The following LINGO3 variants were observed in gnomAD, a reference collection of about 807,000 sequenced individuals.
The protein encoded by LINGO3 is leucine rich repeat and Ig domain containing 3, also known as leucine-rich repeat and immunoglobulin-like domain-containing nogo receptor-interacting protein 3.
For missense variants in LINGO3, 750 were observed against 867.7 expected (o/e 0.86, Z 1.70); for synonymous variants, 427 against 444.2 (o/e 0.96, Z 0.49).
At chr19:2,305,312 T>C in the LINGO3 span, among the ~76,000 whole-genome samples, 12 of 151,772 alleles carry the variant, frequency 7.9e-5, no homozygotes. Context: ...ACCTGGGCAA[T>C]GGAGGCCTCT....
Position 2,290,403 on chromosome 19 carries a change from G to A in LINGO3, c.1374C>T (p.Arg458=), listed in dbSNP as rs1035634788. 6 of 1,439,916 alleles carry A rather than the reference G, an allele frequency of 4.2e-6. No homozygotes were observed. The South Asian group carries it at 7.1e-5, about 17-fold the overall frequency. 89.2% of individuals were successfully genotyped at this position (1,439,916 alleles called of 1,614,324 possible). A position where few individuals can be genotyped will look rare whatever the true frequency, so the allele number is the denominator to read the frequency against. Residue 458 remains arginine (R), a synonymous_variant, in exon 1 of 1, where the codon CGC becomes CGT. Transcript: ENST00000585527. This position sits in a 1 kb window ranked among gnomAD's most constrained non-coding sequence, Gnocchi z 6.0. ...TCTCCAGCGTCCCCCCGGGGAGCAC[G>A]CGCGCCCGGCCCGCGCTGGTGGCCG...
upstream of LINGO3, among the ~76,000 whole-genome samples, chr19:2,295,150 G>A (rs2025562372): frequency 1.3e-5 from 2 of 152,212 alleles, no homozygotes; most frequent in African/African-American, 4.8e-5. Context: ...TGAGGACAGG[G>A]TTTGTATCTT....
At chr19:2,303,720 G>A in the LINGO3 span, among the ~76,000 whole-genome samples, 1 of 152,306 alleles carries the variant, frequency 6.6e-6, no homozygotes, top group African/African-American at 2.4e-5. Flanking sequence ...CTTGACTCTC[G>A]GCTGCACCTC....
At chr19:2,304,710 CTTTTT>C in the LINGO3 span, among the ~76,000 whole-genome samples, 10 of 73,210 alleles carry the variant, frequency 1.4e-4, no homozygotes, top group East Asian at 4.3e-4. Context: ...CCATGTCCTG[CTTTTT>C]TTTTTTTTTT....
Position 2,290,928 on chromosome 19 carries a change from G to A in LINGO3, c.849C>T (p.Ser283=), listed in dbSNP as rs762242789. The stretch of plus-strand genomic sequence containing the variant: ...CCCGGAACGACCCCCGCGGCACCGT[G>A]CTGATGGGGTTGTGCGACAGATTGA... Residue 283 remains serine, a synonymous_variant, in exon 1 of 1, where the codon AGC becomes AGT. Transcript: ENST00000585527. This position sits in a 1 kb window ranked among gnomAD's most constrained non-coding sequence, Gnocchi z 6.0. The A allele has an allele frequency of 5.6e-6, 9 of 1,611,836 alleles. No homozygotes were observed. Among genetic ancestry groups the A allele is most frequent in the Non-Finnish European group, 7.6e-6 (9 of 1,179,530 alleles).
chr19:2,291,306 C>G (rs776079975), exon 1 of LINGO3: 3 of 1,612,736 alleles, frequency 1.9e-6, no homozygotes, highest in Non-Finnish European at 1.7e-6. Flanking sequence ...CGTTGTCGCC[C>G]ACTTCCAGCC....
At chr19:2,303,454 G>A in the LINGO3 span, among the ~76,000 whole-genome samples, 1 of 151,998 alleles carries the variant, frequency 6.6e-6, no homozygotes, top group Non-Finnish European at 1.5e-5. Flanking sequence ...GGTCAGCAGG[G>A]TACAGCTAAG....
the LINGO3 span, among the ~76,000 whole-genome samples, chr19:2,300,179 A>G: frequency 1.3e-5 from 2 of 151,504 alleles, no homozygotes; most frequent in Admixed American, 6.6e-5. Context: ...TTAAAGGTGC[A>G]TGCCACCACA....
At chr19:2,300,157 G>A in the LINGO3 span, among the ~76,000 whole-genome samples, 14 of 150,642 alleles carry the variant, frequency 9.3e-5, no homozygotes, top group African/African-American at 3.4e-4. Context: ...TCAGCCTCCT[G>A]AGTAGCTGGG....
At chr19:2,289,380 G>T (rs902781331), downstream of LINGO3, among the ~76,000 whole-genome samples, 1 of 151,914 alleles carries the variant, frequency 6.6e-6, no homozygotes, top group Admixed American at 6.6e-5. Flanking sequence ...GTCAGCTCTG[G>T]TGCCCCGGGT....
chr19:2,298,915 G>C, the LINGO3 span, among the ~76,000 whole-genome samples: 12 of 152,264 alleles, frequency 7.9e-5, no homozygotes, highest in South Asian at 2.5e-3. Flanking sequence ...AGAGATGACA[G>C]GTCTGGAATC....
At chr19:2,291,979 G>C (rs1335753846) in exon 1 of LINGO3, 1 of 602,736 alleles carries the variant, frequency 1.7e-6, no homozygotes, top group Non-Finnish European at 3.1e-6. Flanking sequence ...TTGAGTTCAA[G>C]AGTTCGAGAC....
exon 1 of LINGO3, chr19:2,291,590 G>A: frequency 1.9e-6 from 3 of 1,543,830 alleles, no homozygotes; most frequent in Non-Finnish European, 2.6e-6. Flanking sequence ...ATGCGGTTGC[G>A]GCTGAGCTCC....
chr19:2,290,482 TCGGCGCGGCAGAGGAAG>T lies in LINGO3; in HGVS notation c.1278_1294del (p.Phe427GlyfsTer228), dbSNP rs2025507486. Reference sequence around the variant, plus strand: ...GGCCACGGTGGGCGCCGGCTCGCCCTCGGCGCGGCAGAGGAAGCGGACGTCTTCGCCCGCGGTGGCCG... The same window carrying T: ...GGCCACGGTGGGCGCCGGCTCGCCCTCGGACGTCTTCGCCCGCGGTGGCCG... On this transcript the variant is annotated frameshift_variant, in exon 1 of 1. Transcript: ENST00000585527. LOFTEE classifies it low-confidence loss of function (END_TRUNC). The surrounding 1 kb of genome is among the most constrained non-coding windows in gnomAD (Gnocchi z 6.0). 1 of 1,470,672 alleles carries T rather than the reference TCGGCGCGGCAGAGGAAG, an allele frequency of 6.8e-7. No individual in the cohort carries two copies. Among genetic ancestry groups the T allele is most frequent in the Non-Finnish European group, 9.0e-7 (1 of 1,116,910 alleles). 91.1% of individuals were successfully genotyped at this position (1,470,672 alleles called of 1,614,324 possible).
chr19:2,305,798 T>C, the LINGO3 span, among the ~76,000 whole-genome samples: 1 of 152,188 alleles, frequency 6.6e-6, no homozygotes, highest in African/African-American at 2.4e-5. Flanking sequence ...GATGCCCCGT[T>C]TGAGCTTCTA....
chr19:2,293,119 C>T (rs964787797), upstream of LINGO3, among the ~76,000 whole-genome samples: 43 of 152,052 alleles, frequency 2.8e-4, no homozygotes, highest in Non-Finnish European at 5.1e-4. Context: ...GGCTGGAGTG[C>T]GGTGGCACAA....
At chr19:2,306,063 A>G in the LINGO3 span, among the ~76,000 whole-genome samples, 3 of 152,218 alleles carry the variant, frequency 2.0e-5, no homozygotes, top group Non-Finnish European at 2.9e-5. Context: ...GGGGCCGTGG[A>G]CTGCCCTCTG....
At chr19:2,288,055 T>TG (rs1396261555), downstream of LINGO3, among the ~76,000 whole-genome samples, 1 of 152,170 alleles carries the variant, frequency 6.6e-6, no homozygotes, top group Non-Finnish European at 1.5e-5. This position sits in a 1 kb window ranked among gnomAD's most constrained non-coding sequence, Gnocchi z 6.5. Flanking sequence ...CCCGGTCTGG[T>TG]GCCTGAATCC....
Position 2,291,380 on chromosome 19 carries a change from G to A in LINGO3, c.397C>T (p.Leu133=), listed in dbSNP as rs764261183. 1.9e-6 allele frequency: 3 copies of A among 1,613,398 alleles called. No individual in the cohort carries two copies. In the African/African-American group the frequency reaches 4.0e-5, roughly 22 times the overall value. The change falls in exon 1 of 1, where the codon CTG becomes TTG. Residue 133 remains leucine, a synonymous_variant. Coordinates refer to ENST00000585527, the Ensembl canonical transcript of LINGO3. ...AGGATTACCAGCTTGTTCTCGCTCA[G>A]GTCCAGCAGCGTGAGGTTGTCCAGG... is the stretch of plus-strand genomic sequence containing the variant.
Sources: allele counts gnomAD v4.1 joint callset (sites outside exome capture counted in the v4.1 genomes callset), GRCh38; gene constraint gnomAD v4.1.1; non-coding constraint Gnocchi (gnomAD v3.1); transcripts MANE v1.5; gene names NCBI Gene and HGNC (gene_info 2026-07-23, HGNC 2026-07-21).